PCDHGA3: variants seen among roughly 807,000 people sequenced by gnomAD.
PCDHGA3 encodes protocadherin gamma subfamily A, 3.
In PCDHGA3, 40 loss-of-function variants were observed where a neutral mutation model predicts 58.5. The observed-to-expected ratio is 0.68, with a 90% CI of 0.53 to 0.89. PCDHGA3 has a LOEUF of 0.89. Among genes scored for constraint, PCDHGA3 ranks in the 40% least tolerant of loss-of-function variants. The probability of loss-of-function intolerance (pLI) is 0.00; values close to 1 mark genes in which losing one functional copy is unlikely to be tolerated. For synonymous variants in PCDHGA3, 530 were observed against 525.7 expected (o/e 1.01, Z -0.11); for missense variants, 1,223 against 1,195.9 (o/e 1.02, Z -0.33).
chr5:141,421,593 G>A lies in PCDHGA3; in HGVS notation c.2425-73214G>A, dbSNP rs780085355. ...CCTTGAAGATTTACGGAGTGGAGGTGGAAATAATAGATATTAATGATAACG... is the reference window on the plus strand; with the variant it reads ...CCTTGAAGATTTACGGAGTGGAGGTAGAAATAATAGATATTAATGATAACG... On this transcript the variant is annotated intron_variant, in intron 1 of 3. Coordinates refer to ENST00000253812, the MANE Select transcript of PCDHGA3 (RefSeq NM_018916.4). 6 of 1,613,840 alleles carry A rather than the reference G, an allele frequency of 3.7e-6. No individual in the cohort carries two copies. In the East Asian group the frequency reaches 1.1e-4, roughly 30 times the overall value.
At chr5:141,423,202 G>A (rs771252840) in intron 1 of PCDHGA3, 67 of 1,613,500 alleles carry the variant, frequency 4.2e-5, no homozygotes, top group Non-Finnish European at 5.5e-5. Context: ...CTCGGCCACC[G>A]TCACGCTCAC....
At chr5:141,406,277 C>T (rs1462690693) in intron 1 of PCDHGA3, among the ~76,000 whole-genome samples, 1 of 151,986 alleles carries the variant, frequency 6.6e-6, no homozygotes, top group Non-Finnish European at 1.5e-5. Flanking sequence ...GCTTCAGTTT[C>T]CCAAAGCACT....
chr5:141,462,336 T>C (rs2099037439), intron 1 of PCDHGA3, among the ~76,000 whole-genome samples: 1 of 152,238 alleles, frequency 6.6e-6, no homozygotes, highest in African/African-American at 2.4e-5. Flanking sequence ...TTTAATTGTA[T>C]TGTGATCCAA....
chr5:141,364,362 G>C, intron 1 of PCDHGA3: 1 of 1,560,576 alleles, frequency 6.4e-7, no homozygotes, highest in Non-Finnish European at 8.7e-7. Flanking sequence ...TGGGGCTGCG[G>C]AGAGCTGCTG....
intron 1 of PCDHGA3, among the ~76,000 whole-genome samples, chr5:141,494,397 A>G (rs965158973): frequency 7.2e-5 from 11 of 152,208 alleles, no homozygotes; most frequent in African/African-American, 2.4e-4. Flanking sequence ...GAATAAATTC[A>G]TTCTAGGGCT....
chr5:141,476,920 A>G lies in PCDHGA3; in HGVS notation c.2425-17887A>G. The G allele has an allele frequency of 6.2e-7, 1 of 1,614,094 alleles. No individual in the cohort carries two copies. The highest frequency in any genetic ancestry group is 1.1e-5 in the South Asian group (1 of 91,088). On this transcript the variant is annotated intron_variant, in intron 1 of 3. Coordinates refer to ENST00000253812, the MANE Select transcript of PCDHGA3 (RefSeq NM_018916.4). This position sits in a 1 kb window ranked among gnomAD's most constrained non-coding sequence, Gnocchi z 7.6. ...GCACGCGCGTGGTACAAGTCCTTGC[A>G]ACGGATCTGGATGAAGGCCCCAACG...
At chr5:141,452,908 A>G (rs747849272) in intron 1 of PCDHGA3, among the ~76,000 whole-genome samples, 5 of 152,222 alleles carry the variant, frequency 3.3e-5, no homozygotes, top group African/African-American at 4.8e-5. Flanking sequence ...AGTTGGCATT[A>G]TACAGTAAGA....
chr5:141,402,979 C>G (rs372858164), intron 1 of PCDHGA3: 9 of 1,608,716 alleles, frequency 5.6e-6, no homozygotes, highest in Non-Finnish European at 7.6e-6. Flanking sequence ...AATGCCAGCT[C>G]CGCGGAAGAT....
Position 141,432,837 on chromosome 5 carries a change from T to C in PCDHGA3, c.2425-61970T>C. On this transcript the variant is annotated intron_variant, in intron 1 of 3. Transcript: ENST00000253812. This position sits in a 1 kb window ranked among gnomAD's most constrained non-coding sequence, Gnocchi z 6.0. ...GAAACCTCAGACCTCACTCTGTACC[T>C]GGTGGTAGCGGTGGCCGCGGTCTCC... The C allele has an allele frequency of 6.2e-7, 1 of 1,614,180 alleles. No individual in the cohort carries two copies. Among genetic ancestry groups the C allele is most frequent in the Non-Finnish European group, 8.5e-7 (1 of 1,180,004 alleles).
chr5:141,500,870 A>C (rs2099803097), intron 2 of PCDHGA3, among the ~76,000 whole-genome samples: 1 of 139,794 alleles, frequency 7.2e-6, no homozygotes, highest in African/African-American at 2.8e-5. Context: ...ATACACATTC[A>C]TTTACAATTT....
At chr5:141,427,721 A>C (rs904969652) in intron 1 of PCDHGA3, 3 of 1,110,498 alleles carry the variant, frequency 2.7e-6, no homozygotes, top group Non-Finnish European at 4.0e-6. Context: ...ACCTGGACCT[A>C]GGGCTGAATG....
chr5:141,356,954 G>A, intron 1 of PCDHGA3: 1 of 1,614,216 alleles, frequency 6.2e-7, no homozygotes, highest in Non-Finnish European at 8.5e-7. Flanking sequence ...GCAGATTCCG[G>A]CTACCTGGTG....
intron 1 of PCDHGA3, chr5:141,352,608 T>C (rs1434961071): frequency 1.2e-6 from 2 of 1,613,510 alleles, no homozygotes; most frequent in East Asian, 2.2e-5. Context: ...GATCCTTCTA[T>C]GGTTGTATGT....
At chr5:141,419,053 T>C in intron 1 of PCDHGA3, 1 of 1,613,954 alleles carries the variant, frequency 6.2e-7, no homozygotes, top group South Asian at 1.1e-5. Context: ...ATTCTTCTTC[T>C]AATAATTACT....
intron 1 of PCDHGA3, chr5:141,350,174 T>A: frequency 7.8e-7 from 1 of 1,283,836 alleles, no homozygotes; most frequent in East Asian, 2.6e-5. Context: ...TAATAAGTCC[T>A]AAGCTCAAAT....
chr5:141,357,261 G>GAGATAGAGT, intron 1 of PCDHGA3: 2 of 1,613,714 alleles, frequency 1.2e-6, no homozygotes, highest in East Asian at 4.5e-5. Flanking sequence ...CAGACGACTC[G>GAGATAGAGT]GGCCTCACAC....
In PCDHGA3 at chr5:141,388,498, A is replaced by G. The variant is rs1025242684; in HGVS notation, c.2424+42041A>G. The G allele has an allele frequency of 9.9e-6, 16 of 1,613,748 alleles. No homozygotes were observed. Among genetic ancestry groups the G allele is most frequent in the Admixed American group, 1.7e-5 (1 of 60,004 alleles). ...AAGACACCTTTGGACAGAGAAAAGCAGAAATCCTACCACTTGACTTTGACT... is the reference window on the plus strand; with the variant it reads ...AAGACACCTTTGGACAGAGAAAAGCGGAAATCCTACCACTTGACTTTGACT... On this transcript the variant is annotated intron_variant, in intron 1 of 3. Transcript: ENST00000253812.
At chr5:141,414,446 T>C in intron 1 of PCDHGA3, 1 of 1,613,864 alleles carries the variant, frequency 6.2e-7, no homozygotes, top group Non-Finnish European at 8.5e-7. Flanking sequence ...TCTTACAATA[T>C]CACAGTGACA....
chr5:141,370,488 C>G (rs758506114), intron 1 of PCDHGA3: 2 of 1,613,906 alleles, frequency 1.2e-6, no homozygotes, highest in South Asian at 2.2e-5. Context: ...TCTCTCCGAA[C>G]CGATCCGCTA....
Sources: gnomAD v4.1 joint callset for allele counts (sites outside exome capture counted in the v4.1 genomes callset) on GRCh38, gnomAD v4.1.1 for gene constraint, Gnocchi (gnomAD v3.1) non-coding constraint, MANE v1.5 for transcripts, NCBI Gene and HGNC (gene_info 2026-07-23, HGNC 2026-07-21) for gene names.